The following MGAT4C variants were observed in gnomAD, a reference collection of about 807,000 sequenced individuals.
The protein encoded by MGAT4C is MGAT4 family member C.
In MGAT4C, 19 loss-of-function variants were observed where a neutral mutation model predicts 40.1. That is an observed-to-expected ratio of 0.47 (90% CI 0.33 to 0.70). MGAT4C has a LOEUF of 0.70. Among genes scored for constraint, MGAT4C ranks in the 30% least tolerant of loss-of-function variants. The pLI, the probability that MGAT4C is intolerant of heterozygous loss-of-function variation, is 0.02. For synonymous variants in MGAT4C, 181 were observed against 187.1 expected (o/e 0.97, Z 0.27); for missense variants, 491 against 563.2 (o/e 0.87, Z 1.30).
At position 86,782,372 on chromosome 12, in the gene MGAT4C, A is replaced by G. The variant is rs745803119; in HGVS notation, c.-261-55131T>C. Among the ~76,000 whole-genome samples, 19 of 151,738 alleles carry G rather than the reference A, an allele frequency of 1.3e-4. No homozygotes were observed. The East Asian group carries it at 1.8e-3, about 14-fold the overall frequency. On this transcript the variant is annotated intron_variant, in intron 1 of 7. Transcript: ENST00000548651. ...AATTTTTTGTATTTTTAATAGAGAC[A>G]GGGTTTCACCATGTTAGCCAGGATG...
intron 4 of MGAT4C, among the ~76,000 whole-genome samples, chr12:86,326,333 C>G (rs183682529): frequency 6.7e-6 from 1 of 148,478 alleles, no homozygotes; most frequent in Non-Finnish European, 1.5e-5. Flanking sequence ...CACACACACA[C>G]GGTAATTATG....
At position 85,969,386 on chromosome 12, in the gene MGAT4C, G is replaced by A. The variant is rs142441006; in HGVS notation, c.*9903C>T. The A allele has an allele frequency of 1.1e-4, 16 of 151,714 alleles. No homozygotes were observed. Among genetic ancestry groups the A allele is most frequent in the African/African-American group, 3.9e-4 (16 of 41,500 alleles). 9.4% of individuals were successfully genotyped at this position (151,714 alleles called of 1,614,324 possible). A position where few individuals can be genotyped will look rare whatever the true frequency, so the allele number is the denominator to read the frequency against. On this transcript the variant is annotated 3_prime_UTR_variant, in exon 5 of 5. Transcript: ENST00000611864. ...TTGCATACATACTGTCTAACTACCAGTTTGGTATGTTTGGGGCTGGTGTTA... is the reference window on the plus strand; with the variant it reads ...TTGCATACATACTGTCTAACTACCAATTTGGTATGTTTGGGGCTGGTGTTA...
chr12:86,375,625 G>A (rs923983413), intron 3 of MGAT4C, among the ~76,000 whole-genome samples: 22 of 151,848 alleles, frequency 1.4e-4, no homozygotes, highest in African/African-American at 4.1e-4. Context: ...TACAGAACCA[G>A]ATTATTTGTA....
At chr12:86,752,900 A>G (rs950711069) in intron 1 of MGAT4C, among the ~76,000 whole-genome samples, 1 of 152,134 alleles carries the variant, frequency 6.6e-6, no homozygotes, top group Admixed American at 6.6e-5. Flanking sequence ...ACAAAAATTT[A>G]TTTCAAATGG....
intron 2 of MGAT4C, chr12:86,601,108 G>C (rs1202837919): frequency 6.6e-6 from 1 of 152,556 alleles, no homozygotes; most frequent in Non-Finnish European, 1.5e-5. Flanking sequence ...GAGGCTGGGG[G>C]CTGACGGTGG....
chr12:86,017,062 T>C (rs1889151664), intron 2 of MGAT4C, among the ~76,000 whole-genome samples: 1 of 152,222 alleles, frequency 6.6e-6, no homozygotes, highest in South Asian at 2.1e-4. Context: ...TACTTTCTAC[T>C]TCTTAGAATT....
chr12:86,426,966 G>GA (rs545113751), intron 3 of MGAT4C, among the ~76,000 whole-genome samples: 19 of 151,176 alleles, frequency 1.3e-4, no homozygotes, highest in Admixed American at 4.0e-4. Context: ...AAAAGAAGAA[G>GA]AGAGAGAGAG....
intron 1 of MGAT4C, among the ~76,000 whole-genome samples, chr12:86,760,691 TAGAAAAGAAA>T: frequency 6.6e-6 from 1 of 152,022 alleles, no homozygotes; most frequent in East Asian, 1.9e-4. Context: ...GTCCAGGGCA[TAGAAAAGAAA>T]AGGGGAATTC....
intron 1 of MGAT4C, among the ~76,000 whole-genome samples, chr12:86,817,238 TTTAAG>T (rs1167927462): frequency 1.3e-5 from 2 of 151,450 alleles, no homozygotes; most frequent in African/African-American, 4.8e-5. Context: ...ATATTTTTAA[TTTAAG>T]TTTACATTCA....
intron 2 of MGAT4C, among the ~76,000 whole-genome samples, chr12:86,531,245 G>A (rs1301583868): frequency 3.9e-5 from 6 of 152,024 alleles, no homozygotes; most frequent in African/African-American, 7.2e-5. Flanking sequence ...CATGTGATCT[G>A]TCCATCATTT....
chr12:86,424,946 C>T (rs144931008), intron 3 of MGAT4C, among the ~76,000 whole-genome samples: 251 of 152,006 alleles, frequency 1.7e-3, no homozygotes, highest in African/African-American at 5.9e-3. Context: ...TTAGTAGAGA[C>T]GGGGTTTCAC....
chr12:86,196,024 C>T (rs1431826502), intron 1 of MGAT4C, among the ~76,000 whole-genome samples: 3 of 152,078 alleles, frequency 2.0e-5, no homozygotes, highest in Admixed American at 6.5e-5. Context: ...GTTAGTCTGC[C>T]TGAAGCTGCT....
At chr12:86,100,302 ATT>A (rs1258959977) in intron 1 of MGAT4C, among the ~76,000 whole-genome samples, 1 of 151,240 alleles carries the variant, frequency 6.6e-6, no homozygotes, top group Non-Finnish European at 1.5e-5. Flanking sequence ...ATTTTGTTTG[ATT>A]GACCAAGGAA....
chr12:86,586,218 G>A (rs1286463260), intron 2 of MGAT4C, among the ~76,000 whole-genome samples: 1 of 137,002 alleles, frequency 7.3e-6, no homozygotes, highest in Non-Finnish European at 1.6e-5. Flanking sequence ...TTTTGTTCTT[G>A]CGATAGTTTA....
intron 2 of MGAT4C, among the ~76,000 whole-genome samples, chr12:86,445,702 A>G (rs1565768410): frequency 2.0e-5 from 3 of 152,212 alleles, no homozygotes; most frequent in African/African-American, 2.4e-5. Context: ...AATAAAATAT[A>G]TCAATGAGAA....
rs180729778 is a variant in MGAT4C at position 86,524,059 on chromosome 12, T to A, written c.-228-88794A>T. On this transcript the variant is annotated intron_variant, in intron 2 of 7. Coordinates refer to the MGAT4C transcript ENST00000548651. ...ATCCAGCTTCCCATTCTGTGCCTTT[T>A]AATTGGGTCATATAGCTAGCTCACT... Among the ~76,000 whole-genome samples the A allele has an allele frequency of 3.3e-5, 5 of 152,292 alleles. No individual in the cohort carries two copies. In the East Asian group the frequency reaches 9.7e-4, roughly 29 times the overall value.
At chr12:86,396,024 A>C (rs541742757) in intron 3 of MGAT4C, among the ~76,000 whole-genome samples, 57 of 152,122 alleles carry the variant, frequency 3.7e-4, no homozygotes, top group Non-Finnish European at 6.6e-4. Context: ...AATATCAATG[A>C]GTTGTGTTTT....
intron 2 of MGAT4C, among the ~76,000 whole-genome samples, chr12:86,445,248 GA>G (rs1467959018): frequency 1.7e-4 from 26 of 152,022 alleles, no homozygotes; most frequent in African/African-American, 6.3e-4. Context: ...CTAAAAATTA[GA>G]AAGAAAATAA....
intron 2 of MGAT4C, among the ~76,000 whole-genome samples, chr12:86,536,234 T>A (rs971009257): frequency 2.6e-5 from 4 of 152,044 alleles, no homozygotes; most frequent in African/African-American, 7.2e-5. Flanking sequence ...AAAACACATA[T>A]CTGGATACTA....
Sources: allele counts gnomAD v4.1 joint callset (sites outside exome capture counted in the v4.1 genomes callset), GRCh38; gene constraint gnomAD v4.1.1; transcripts MANE v1.5; gene names NCBI Gene and HGNC (gene_info 2026-07-23, HGNC 2026-07-21).